ADGRD1: variants seen among roughly 807,000 people sequenced by gnomAD.
The protein encoded by ADGRD1 is G-protein coupled receptor 133.
ADGRD1 carries 77 observed loss-of-function variants against 113.4 expected under a neutral mutation model. The ratio of observed to expected loss-of-function variants is 0.68; its 90% CI spans 0.57 to 0.82. The LOEUF is 0.82. ADGRD1 is among the 40% of genes least tolerant of loss of function. ADGRD1 has a pLI of 0.00. For synonymous variants in ADGRD1, 474 were observed against 475.0 expected (o/e 1.00, Z 0.03); for missense variants, 1,036 against 1,139.1 (o/e 0.91, Z 1.30).
At position 130,954,491 on chromosome 12, in the gene ADGRD1, G is replaced by T; in HGVS notation, c.26G>T (p.Cys9Phe). MEKLLRLC[C>F]WYSWLLLFYY... ...ATGGAAAAGCTGCTGCGGCTGTGCTGCTGGTACTCCTGGCTGCTGCTATTT... is the reference window on the plus strand; with the variant it reads ...ATGGAAAAGCTGCTGCGGCTGTGCTTCTGGTACTCCTGGCTGCTGCTATTT... The change falls in exon 1 of 25, where the codon TGC becomes TTC. Residue 9 changes from cysteine (C) to phenylalanine (F), a missense_variant. Coordinates refer to ENST00000261654, the MANE Select transcript of ADGRD1 (RefSeq NM_198827.5). This position sits in a 1 kb window ranked among gnomAD's most constrained non-coding sequence, Gnocchi z 4.7. The T allele has an allele frequency of 6.3e-7, 1 of 1,580,564 alleles. No individual in the cohort carries two copies. The highest frequency in any genetic ancestry group is 8.6e-7 in the Non-Finnish European group (1 of 1,161,628).
intron 12 of ADGRD1, among the ~76,000 whole-genome samples, chr12:131,012,140 C>T (rs1051988115): frequency 5.3e-5 from 8 of 152,024 alleles, no homozygotes; most frequent in Admixed American, 6.5e-5. Flanking sequence ...ACGTTCTGTA[C>T]GTACAGCTTG....
intron 13 of ADGRD1, among the ~76,000 whole-genome samples, chr12:131,020,067 G>T (rs1482209942): frequency 1.3e-5 from 1 of 77,506 alleles, no homozygotes. Context: ...AGGACCCCGA[G>T]CTCCGTCCAG....
chr12:131,124,940 C>T (rs1254256145), intron 20 of ADGRD1, among the ~76,000 whole-genome samples: 1 of 152,212 alleles, frequency 6.6e-6, no homozygotes, highest in Non-Finnish European at 1.5e-5. Flanking sequence ...TTTATTTTCT[C>T]ACAGTTTTGG....
chr12:131,032,262 A>G (rs1880858378), intron 13 of ADGRD1, among the ~76,000 whole-genome samples: 2 of 152,162 alleles, frequency 1.3e-5, no homozygotes, highest in Admixed American at 1.3e-4. Flanking sequence ...CAGAGCTCAC[A>G]AAACAGCTCT....
At chr12:131,130,610 G>C (rs375066457) in intron 20 of ADGRD1, among the ~76,000 whole-genome samples, 9 of 152,372 alleles carry the variant, frequency 5.9e-5, no homozygotes, top group Non-Finnish European at 1.0e-4. Flanking sequence ...ACAGAAGGTG[G>C]CTTCAAGGCC....
chr12:131,103,118 G>A (rs1950132508), intron 15 of ADGRD1, among the ~76,000 whole-genome samples: 1 of 152,240 alleles, frequency 6.6e-6, no homozygotes, highest in African/African-American at 2.4e-5. Context: ...TCCAGCCCCT[G>A]GGAAATTGGA....
At chr12:131,097,093 A>G (rs1304165386) in intron 15 of ADGRD1, among the ~76,000 whole-genome samples, 2 of 152,106 alleles carry the variant, frequency 1.3e-5, no homozygotes, top group Non-Finnish European at 2.9e-5. Context: ...CACTACCCCT[A>G]TGAGGTCCCC....
At chr12:131,021,117 T>C (rs1476630866) in intron 13 of ADGRD1, among the ~76,000 whole-genome samples, 1 of 152,200 alleles carries the variant, frequency 6.6e-6, no homozygotes, top group Non-Finnish European at 1.5e-5. Flanking sequence ...TAGTACAGAA[T>C]GCCCCTGTAT....
intron 20 of ADGRD1, among the ~76,000 whole-genome samples, chr12:131,130,876 C>T (rs1213796733): frequency 1.3e-5 from 2 of 152,182 alleles, no homozygotes; most frequent in African/African-American, 2.4e-5. Flanking sequence ...AGCAGCTGCC[C>T]TGTGAGGCCG....
At chr12:131,012,900 G>C (rs887439039) in intron 12 of ADGRD1, among the ~76,000 whole-genome samples, 1 of 152,162 alleles carries the variant, frequency 6.6e-6, no homozygotes, top group African/African-American at 2.4e-5. Context: ...GGGTGACCGC[G>C]GGGGGCCCGG....
At chr12:131,059,168 A>AT (rs1354223342) in intron 13 of ADGRD1, among the ~76,000 whole-genome samples, 1 of 151,860 alleles carries the variant, frequency 6.6e-6, no homozygotes, top group Non-Finnish European at 1.5e-5. Flanking sequence ...TGAGCCATCC[A>AT]TTGAGGTGTT....
chr12:131,129,118 G>T (rs113482656), intron 20 of ADGRD1, among the ~76,000 whole-genome samples: 6 of 102,180 alleles, frequency 5.9e-5, no homozygotes, highest in Non-Finnish European at 9.8e-5. Context: ...GTGACAGGCC[G>T]GCCCTGCTGT....
intron 13 of ADGRD1, among the ~76,000 whole-genome samples, chr12:131,029,655 G>A (rs1208036262): frequency 2.7e-5 from 4 of 150,066 alleles, no homozygotes; most frequent in South Asian, 2.2e-4. Flanking sequence ...AGGCTCTGGG[G>A]TTAGGTTATG....
chr12:131,136,151 C>G lies in ADGRD1; in HGVS notation c.2382C>G (p.Leu794=), dbSNP rs889950881. 1 of 1,614,086 alleles carries G rather than the reference C, an allele frequency of 6.2e-7. No homozygotes were observed. The highest frequency in any genetic ancestry group is 1.3e-5 in the African/African-American group (1 of 75,064). ...TTTTCCAGTACATGTTTGCCACGCT[C>G]AACTCCCTGCAGGTGAGAGCCGCGG... ...AVVFQYMFAT[L]NSLQGLFIFL... The change falls in exon 22 of 25, where the codon CTC becomes CTG. Residue 794 remains leucine, a synonymous_variant. Transcript: ENST00000261654.
rs149351007 is a variant in ADGRD1 at position 131,128,362 on chromosome 12, G to T, written c.2176-3363G>T. ...TCGAGATCCTCTCCAGCATCTCCAG[G>T]CATCCCTCTCATGGGTCCCAGGCTT... On this transcript the variant is annotated intron_variant, in intron 20 of 24. Coordinates refer to ENST00000261654, the MANE Select transcript of ADGRD1 (RefSeq NM_198827.5). Among the ~76,000 whole-genome samples, 12 of 152,190 alleles carry T rather than the reference G, an allele frequency of 7.9e-5. No individual in the cohort carries two copies. The East Asian group carries it at 2.1e-3, about 27-fold the overall frequency.
intron 19 of ADGRD1, 52 bp from the exon 20 acceptor site, chr12:131,120,795 G>A (rs759201393): frequency 3.2e-6 from 5 of 1,581,492 alleles, no homozygotes; most frequent in Middle Eastern, 1.7e-4. Flanking sequence ...ATGAAGGTAC[G>A]CTGGCAGGTG....
chr12:131,110,891 A>G (rs1295958262), intron 18 of ADGRD1, among the ~76,000 whole-genome samples: 2 of 152,318 alleles, frequency 1.3e-5, no homozygotes, highest in Middle Eastern at 3.4e-3. Context: ...TTTTCTAGAT[A>G]TAAGATTCTT....
chr12:131,008,349 C>A (rs1286171019), intron 12 of ADGRD1, among the ~76,000 whole-genome samples: 2 of 152,208 alleles, frequency 1.3e-5, no homozygotes, highest in African/African-American at 4.8e-5. Context: ...GACTTCCCTC[C>A]GTCTTTGTCT....
chr12:131,128,168 T>C (rs1002040887), intron 20 of ADGRD1, among the ~76,000 whole-genome samples: 10 of 138,760 alleles, frequency 7.2e-5, no homozygotes, highest in Non-Finnish European at 1.5e-4. Context: ...TCAGGTGGGG[T>C]GTTGATTGTG....
Sources: gnomAD v4.1 joint callset for allele counts (sites outside exome capture counted in the v4.1 genomes callset) on GRCh38, gnomAD v4.1.1 for gene constraint, Gnocchi (gnomAD v3.1) non-coding constraint, MANE v1.5 for transcripts, NCBI Gene and HGNC (gene_info 2026-07-23, HGNC 2026-07-21) for gene names.